RNLS: variants seen among roughly 807,000 people sequenced by gnomAD.
The protein encoded by RNLS is renalase, FAD dependent amine oxidase.
A neutral mutation model predicts 39.8 loss-of-function variants in RNLS; 39 were observed. That is an observed-to-expected ratio of 0.98 (90% CI 0.76 to 1.28). The LOEUF is 1.28. Among genes scored for constraint, RNLS ranks in the 50% most tolerant of loss-of-function variants. The pLI is 0.00. For synonymous variants in RNLS, 147 were observed against 150.7 expected, an observed-to-expected ratio of 0.98 and a Z score of 0.18; for missense variants, 410 against 413.3, an observed-to-expected ratio of 0.99 and a Z score of 0.07.
intron 5 of RNLS, among the ~76,000 whole-genome samples, chr10:88,319,361 CA>C (rs202201765): frequency 6.7e-6 from 1 of 150,174 alleles, no homozygotes; most frequent in Admixed American, 6.6e-5. Context: ...ACTCTAGTAG[CA>C]AAAAAAAACC....
intron 5 of RNLS, among the ~76,000 whole-genome samples, chr10:88,341,185 C>T (rs1355910058): frequency 4.1e-5 from 6 of 147,604 alleles, no homozygotes; most frequent in East Asian, 2.0e-4. Context: ...CAAAATTAGC[C>T]GGGTGTGGTG....
chr10:88,178,217 A>T, the RNLS span, among the ~76,000 whole-genome samples: 2 of 152,032 alleles, frequency 1.3e-5, no homozygotes, highest in African/African-American at 4.8e-5. Flanking sequence ...CCTTTGGATG[A>T]ATGTGGTAAG....
At chr10:88,575,175 CACACAT>C (rs769605222) in intron 3 of RNLS, among the ~76,000 whole-genome samples, 24,295 of 124,306 alleles carry the variant, frequency 0.2, 2,815 homozygotes, top group African/African-American at 0.31. Flanking sequence ...CACACACACA[CACACAT>C]ATTATATATA....
At chr10:88,359,867 T>C (rs1278415725) in intron 5 of RNLS, among the ~76,000 whole-genome samples, 2 of 152,222 alleles carry the variant, frequency 1.3e-5, no homozygotes, top group African/African-American at 4.8e-5. Context: ...CGTTAGGAGA[T>C]ATGACTCTGC....
At chr10:88,573,416 A>G (rs1849973196) in intron 3 of RNLS, among the ~76,000 whole-genome samples, 1 of 152,244 alleles carries the variant, frequency 6.6e-6, no homozygotes, top group Non-Finnish European at 1.5e-5. Context: ...ATTGAGAAAT[A>G]GCATGCCATG....
the RNLS span, among the ~76,000 whole-genome samples, chr10:88,247,680 C>A: frequency 6.6e-6 from 1 of 152,158 alleles, no homozygotes; most frequent in Non-Finnish European, 1.5e-5. Context: ...ATCCCTGGAA[C>A]CTGAGAGCCT....
At position 88,284,939 on chromosome 10, in the gene RNLS, G is replaced by A. The variant is rs1378987228; in HGVS notation, c.*415C>T. 14 of 986,640 alleles carry A rather than the reference G, an allele frequency of 1.4e-5. No individual in the cohort carries two copies. The highest frequency in any genetic ancestry group is 1.7e-5 in the Non-Finnish European group (14 of 830,882). 61.1% of individuals were successfully genotyped at this position (986,640 alleles called of 1,614,324 possible). ...ATAATTTGCAAAAATATTGATTCAA[G>A]GACACATCCGAAGACTTAAGATGGG... is the stretch of plus-strand genomic sequence containing the variant. On this transcript the variant is annotated 3_prime_UTR_variant, in exon 7 of 7. Coordinates refer to ENST00000331772, the MANE Select transcript of RNLS (RefSeq NM_001031709.3).
chr10:88,555,135 A>C (rs1356138048), intron 4 of RNLS, among the ~76,000 whole-genome samples: 1 of 152,116 alleles, frequency 6.6e-6, no homozygotes, highest in Non-Finnish European at 1.5e-5. Context: ...GATTAGAAAA[A>C]AATGTCTAAG....
the RNLS span, among the ~76,000 whole-genome samples, chr10:88,216,142 GA>G: frequency 6.6e-6 from 1 of 152,172 alleles, no homozygotes; most frequent in African/African-American, 2.4e-5. Flanking sequence ...AGATAAAATA[GA>G]AATGAATCAA....
the RNLS span, among the ~76,000 whole-genome samples, chr10:88,247,495 C>T: frequency 6.6e-6 from 1 of 152,180 alleles, no homozygotes; most frequent in African/African-American, 2.4e-5. Context: ...TACTGTGTGA[C>T]CTTGGGCCAG....
At chr10:88,268,727 C>A in the RNLS span, among the ~76,000 whole-genome samples, 1 of 152,230 alleles carries the variant, frequency 6.6e-6, no homozygotes, top group Admixed American at 6.5e-5. Flanking sequence ...CAGCTCTAGA[C>A]TTGCCCCACA....
At chr10:88,319,155 C>A (rs369666268) in intron 5 of RNLS, among the ~76,000 whole-genome samples, 25 of 152,180 alleles carry the variant, frequency 1.6e-4, no homozygotes, top group Non-Finnish European at 8.8e-5. Context: ...CACACAAAAG[C>A]TACCCACAAT....
At chr10:88,521,143 G>C (rs1846701340) in intron 4 of RNLS, among the ~76,000 whole-genome samples, 1 of 151,910 alleles carries the variant, frequency 6.6e-6, no homozygotes, top group South Asian at 2.1e-4. Flanking sequence ...AAAATCTCAA[G>C]TTTCCATGAA....
At chr10:88,458,775 C>T (rs1200176768) in intron 4 of RNLS, among the ~76,000 whole-genome samples, 2 of 152,126 alleles carry the variant, frequency 1.3e-5, no homozygotes, top group Non-Finnish European at 1.5e-5. Context: ...AGTCCTCAAC[C>T]GGGCTTTGAA....
intron 4 of RNLS, among the ~76,000 whole-genome samples, chr10:88,424,777 G>A (rs1302703227): frequency 6.6e-6 from 1 of 152,076 alleles, no homozygotes; most frequent in Non-Finnish European, 1.5e-5. Context: ...GCAGAGTAAG[G>A]AAAATGCATA....
At chr10:88,529,030 T>C (rs1177719384) in intron 4 of RNLS, among the ~76,000 whole-genome samples, 1 of 152,168 alleles carries the variant, frequency 6.6e-6, no homozygotes, top group African/African-American at 2.4e-5. Context: ...ATCCCATGCA[T>C]CTGGAAGGAA....
chr10:88,256,968 G>A, the RNLS span, among the ~76,000 whole-genome samples: 1 of 151,870 alleles, frequency 6.6e-6, no homozygotes, highest in Non-Finnish European at 1.5e-5. Context: ...TCAAGACTCA[G>A]ACTAAAATGG....
chr10:88,581,796 G>T (rs1468379585), intron 2 of RNLS, 87 bp from the exon 3 acceptor site: 2 of 873,684 alleles, frequency 2.3e-6, no homozygotes, highest in Admixed American at 3.8e-5. Context: ...AATTCTCAGA[G>T]GTTATAATTC....
At chr10:88,482,314 C>A (rs534808247) in intron 4 of RNLS, among the ~76,000 whole-genome samples, 1 of 152,114 alleles carries the variant, frequency 6.6e-6, no homozygotes, top group Non-Finnish European at 1.5e-5. Context: ...CACTGCTCTG[C>A]AAGGCTCTGC....
Sources: gnomAD v4.1 joint callset for allele counts (sites outside exome capture counted in the v4.1 genomes callset) on GRCh38, gnomAD v4.1.1 for gene constraint, MANE v1.5 for transcripts, NCBI Gene and HGNC (gene_info 2026-07-23, HGNC 2026-07-21) for gene names.